The following NCAPH2 variants were observed in gnomAD, a reference collection of about 807,000 sequenced individuals.
NCAPH2 encodes non-SMC condensin II complex subunit H2.
In NCAPH2, 56 loss-of-function variants were observed where a neutral mutation model predicts 88.6. The observed-to-expected ratio is 0.63, with a 90% CI of 0.51 to 0.79. The LOEUF (loss-of-function observed/expected upper bound fraction) is 0.79. Among genes scored for constraint, NCAPH2 ranks in the 30% least tolerant of loss-of-function variants. The probability of loss-of-function intolerance (pLI) is 0.00; values close to 1 mark genes in which losing one functional copy is unlikely to be tolerated. For synonymous variants in NCAPH2, 378 were observed against 313.6 expected, an observed-to-expected ratio of 1.21 and a Z score of -2.17; for missense variants, 794 against 792.0, an observed-to-expected ratio of 1.00 and a Z score of -0.03.
At position 50,508,439 on chromosome 22, in the gene NCAPH2, G is replaced by A. The variant is rs1019697065; in HGVS notation, c.102G>A (p.Leu34=). The change falls in exon 1 of 20, where the codon CTG becomes CTA. Residue 34 remains leucine, a synonymous_variant. Transcript: ENST00000420993. ...VDVAAQLGEY[L]EELDQICISF... ...TGGCGGCCCAGCTGGGCGAGTATCT[G>A]GAGGAGGTAAGGGCGGCGGGGGAGT... The A allele has an allele frequency of 1.4e-6, 2 of 1,439,438 alleles. No individual in the cohort carries two copies. Among genetic ancestry groups the A allele is most frequent in the Non-Finnish European group, 1.8e-6 (2 of 1,093,728 alleles). The allele number at this position is 1,439,438 out of a possible 1,614,324, so 89.2% of individuals were successfully genotyped here.
In NCAPH2 at chr22:50,524,065, T is replaced by G. The variant is rs761748851; in HGVS notation, c.*690T>G. ...CACCCACTGGCCCCGGAAGTCAGCC[T>G]TGCAGCGAGCCCGGCCTCTGTGATC... On this transcript the variant is annotated 3_prime_UTR_variant, in exon 20 of 20. Transcript: ENST00000420993. 1.9e-6 allele frequency: 3 copies of G among 1,613,290 alleles called. No individual in the cohort carries two copies. In the South Asian group the frequency reaches 3.3e-5, roughly 18 times the overall value.
In NCAPH2 at chr22:50,524,319, C is replaced by G; in HGVS notation, c.*944C>G. ...TTGACAAAAGCCAGGACCTCAGATGCAGGGCCTGGCCTCCCAGGGTCCCAG... is the reference window on the plus strand; with the variant it reads ...TTGACAAAAGCCAGGACCTCAGATGGAGGGCCTGGCCTCCCAGGGTCCCAG... On this transcript the variant is annotated 3_prime_UTR_variant, in exon 20 of 20. Transcript: ENST00000420993. 3.1e-6 allele frequency: 5 copies of G among 1,601,864 alleles called. No homozygotes were observed. Among genetic ancestry groups the G allele is most frequent in the Non-Finnish European group, 4.2e-6 (5 of 1,179,816 alleles).
rs1263121137 is a variant in NCAPH2, at chr22:50,518,058, G to A, written c.500+6G>A. ...AACAACAATCCCCTGTACAGGTAGG[G>A]ATCTGAGCCCAGCGACGGGGAGGGA... is the stretch of plus-strand genomic sequence containing the variant. On this transcript the variant is annotated splice_donor_region_variant and intron_variant, in intron 6 of 19. Coordinates refer to ENST00000420993, the MANE Select transcript of NCAPH2 (RefSeq NM_152299.4). 1 of 1,613,970 alleles carries A rather than the reference G, an allele frequency of 6.2e-7. No individual in the cohort carries two copies. The highest frequency in any genetic ancestry group is 1.3e-5 in the African/African-American group (1 of 75,060).
chr22:50,521,581 C>T lies in NCAPH2; in HGVS notation c.972C>T (p.Asp324=), dbSNP rs148874894. Residue 324 remains aspartate (D), a synonymous_variant, in exon 11 of 20, where the codon GAC becomes GAT. Coordinates refer to ENST00000420993, the MANE Select transcript of NCAPH2 (RefSeq NM_152299.4). The stretch of plus-strand genomic sequence containing the variant: ...CCTGGCAGAGCCTGGACCCCTTTGA[C>T]TCCTTGGAGTCTAAGCCCTTCAAGA... ...PDPWQSLDPF[D]SLESKPFKKG... 6.2e-7 allele frequency: 1 copy of T among 1,613,676 alleles called. No homozygotes were observed. The highest frequency in any genetic ancestry group is 1.3e-5 in the African/African-American group (1 of 75,040).
chr22:50,517,683 T>C (rs1410966638), intron 4 of NCAPH2, 22 bp downstream of exon 4: 3 of 1,614,078 alleles, frequency 1.9e-6, no homozygotes, highest in African/African-American at 1.3e-5. Flanking sequence ...TGGCATGTGG[T>C]CCCCGCCCAC....
At position 50,522,484 on chromosome 22, in the gene NCAPH2, C is replaced by T. The variant is rs780277922; in HGVS notation, c.1307-17C>T. On this transcript the variant is annotated splice_polypyrimidine_tract_variant and intron_variant, in intron 15 of 19. Coordinates refer to ENST00000420993, the MANE Select transcript of NCAPH2 (RefSeq NM_152299.4). The stretch of plus-strand genomic sequence containing the variant: ...ACTAGCTGCCTGCGTGCTGTTCACT[C>T]TCCCACCTCCCAGCAGATGACTTTC... 1 of 1,613,682 alleles carries T rather than the reference C, an allele frequency of 6.2e-7. No individual in the cohort carries two copies. The highest frequency in any genetic ancestry group is 8.5e-7 in the Non-Finnish European group (1 of 1,179,994).
In NCAPH2 at chr22:50,511,285, C is replaced by CTTTTT. The variant is rs910583115; in HGVS notation, c.108+2858_108+2862dup. ...TCAAGCAGTTCTCCTGCCTCAGCCT[C>CTTTTT]TTTTTTTTTTTTTTTTTTTTTTGAG... On this transcript the variant is annotated intron_variant, in intron 1 of 19. Coordinates refer to ENST00000420993, the MANE Select transcript of NCAPH2 (RefSeq NM_152299.4). 1.1e-3 allele frequency among the ~76,000 whole-genome samples: 119 copies of CTTTTT among 109,654 alleles called. 15 individuals are homozygous for CTTTTT. Among genetic ancestry groups the CTTTTT allele is most frequent in the African/African-American group, 5.6e-3 (111 of 19,784 alleles). The allele number at this position is 109,654 out of a possible 152,430, so 71.9% of individuals were successfully genotyped here.
Position 50,524,649 on chromosome 22 carries a change from C to G in NCAPH2, c.*1274C>G. ...CTGTCCTCTACCTGGGATCACCAGC[C>G]TGTCACCGCACCCTGCCCTGCACCT... On this transcript the variant is annotated 3_prime_UTR_variant, in exon 20 of 20. Transcript: ENST00000420993. 1.4e-6 allele frequency: 1 copy of G among 700,342 alleles called. No homozygotes were observed. The highest frequency in any genetic ancestry group is 2.0e-5 in the Admixed American group (1 of 49,428). 43.4% of individuals were successfully genotyped at this position (700,342 alleles called of 1,614,324 possible).
chr22:50,519,227 C>T lies in NCAPH2; in HGVS notation c.768C>T (p.Gly256=), dbSNP rs948209945. 8.7e-6 allele frequency: 14 copies of T among 1,609,948 alleles called. No individual in the cohort carries two copies. The African/African-American group carries it at 9.3e-5, about 11-fold the overall frequency. ...AAGGCCCGATGCCCCTGGGTGGGGG[C>T]GAGGACGAGGATGCAGAGGAGGCAG... is the stretch of plus-strand genomic sequence containing the variant. ...SPEGPMPLGG[G]EDEDAEEAVE... The change falls in exon 9 of 20, where the codon GGC becomes GGT. Residue 256 remains glycine, a synonymous_variant. Transcript: ENST00000420993.
rs1190626467 is a variant in NCAPH2, at chr22:50,517,681, G to C, written c.351+20G>C. Reference sequence around the variant, plus strand: ...AATGAGGTGAGTTTCTTTGGCATGTGGTCCCCGCCCACTGTGTGTTTGCCT... The same window carrying C: ...AATGAGGTGAGTTTCTTTGGCATGTCGTCCCCGCCCACTGTGTGTTTGCCT... On this transcript the variant is annotated intron_variant, in intron 4 of 19. Transcript: ENST00000420993. The C allele has an allele frequency of 1.9e-6, 3 of 1,613,962 alleles. No individual in the cohort carries two copies. Among genetic ancestry groups the C allele is most frequent in the African/African-American group, 1.3e-5 (1 of 74,930 alleles).
At chr22:50,509,901 CA>C (rs2068739187) in intron 1 of NCAPH2, among the ~76,000 whole-genome samples, 1 of 152,010 alleles carries the variant, frequency 6.6e-6, no homozygotes, top group Non-Finnish European at 1.5e-5. Flanking sequence ...TTTCTGCCCC[CA>C]CTTGGGAATC....
Position 50,508,233 on chromosome 22 carries a change from T to A in NCAPH2, c.-105T>A. The A allele has an allele frequency of 1.1e-6, 1 of 875,818 alleles. No individual in the cohort carries two copies. The highest frequency in any genetic ancestry group is 1.7e-6 in the Non-Finnish European group (1 of 599,248). 54.3% of individuals were successfully genotyped at this position (875,818 alleles called of 1,614,324 possible). ...GCGACGCCGCGCCTACGCATTTTCCTGGGCGGGAACAGCAAAATGGCGCCA... is the reference window on the plus strand; with the variant it reads ...GCGACGCCGCGCCTACGCATTTTCCAGGGCGGGAACAGCAAAATGGCGCCA... On this transcript the variant is annotated 5_prime_UTR_variant, in exon 1 of 20. Transcript: ENST00000420993.
chr22:50,517,176 A>G lies in NCAPH2; in HGVS notation c.211-251A>G, dbSNP rs2068948125. Among the ~76,000 whole-genome samples the G allele has an allele frequency of 2.0e-5, 3 of 152,224 alleles. No individual in the cohort carries two copies. The South Asian group carries it at 6.2e-4, about 31-fold the overall frequency. The stretch of plus-strand genomic sequence containing the variant: ...GTGCTGTCAGGGTCACACGTTGAGA[A>G]GGCCACGCTCGCGGCTGCGTGGACC... On this transcript the variant is annotated intron_variant, in intron 2 of 19. Transcript: ENST00000420993.
At chr22:50,518,576 C>A in intron 7 of NCAPH2, 73 bp from the exon 8 acceptor site, 1 of 1,446,748 alleles carries the variant, frequency 6.9e-7, no homozygotes, top group Non-Finnish European at 9.4e-7. Flanking sequence ...CTTGGAGAGG[C>A]TTGTTGAACA....
chr22:50,517,882 G>A (rs2056139985), intron 5 of NCAPH2, 73 bp downstream of exon 5: 1 of 1,604,480 alleles, frequency 6.2e-7, no homozygotes, highest in Admixed American at 1.7e-5. Context: ...TGAGCTGATG[G>A]GGTGTGGGAA....
chr22:50,517,717 C>T (rs2068966518), intron 4 of NCAPH2, 24 bp from the exon 5 acceptor site: 13 of 1,614,084 alleles, frequency 8.1e-6, no homozygotes, highest in Non-Finnish European at 1.1e-5. Context: ...GGGCTCCGCC[C>T]CCACGAGCTC....
rs1259957717 is a variant in NCAPH2 at position 50,516,648 on chromosome 22, C to A, written c.210+100C>A. ...GTGCAGTGGTCGTCCCGTCTGTGAC[C>A]TACCTCCCTCTCTCCTCAGGTCTCA... On this transcript the variant is annotated intron_variant, in intron 2 of 19. Transcript: ENST00000420993. The A allele has an allele frequency of 6.1e-6, 6 of 986,938 alleles. No individual in the cohort carries two copies. In the East Asian group the frequency reaches 1.5e-4, roughly 25 times the overall value. The allele number at this position is 986,938 out of a possible 1,614,324, so 61.1% of individuals were successfully genotyped here.
chr22:50,514,869 A>G (rs897119040), intron 1 of NCAPH2, among the ~76,000 whole-genome samples: 15 of 152,120 alleles, frequency 9.9e-5, no homozygotes, highest in African/African-American at 3.1e-4. Context: ...GGTGCCTAAA[A>G]TCTTGCCTCT....
chr22:50,521,991 G>C lies in NCAPH2; in HGVS notation c.1114G>C (p.Asp372His). Reference sequence around the variant, plus strand: ...CTGAGCATGTTCTTTCACAGATGCAGACCATGCCGACAGCAGGCGGCTTCG... The same window carrying C: ...CTGAGCATGTTCTTTCACAGATGCACACCATGCCGACAGCAGGCGGCTTCG... ...FHQWYLAAYA[D>H]HADSRRLRRK... Residue 372 changes from aspartate (D) to histidine (H), a missense_variant, in exon 13 of 20, where the codon GAC becomes CAC. Transcript: ENST00000420993. The C allele has an allele frequency of 6.2e-7, 1 of 1,614,012 alleles. No individual in the cohort carries two copies. Among genetic ancestry groups the C allele is most frequent in the East Asian group, 2.2e-5 (1 of 44,890 alleles).
Sources: allele counts gnomAD v4.1 joint callset (sites outside exome capture counted in the v4.1 genomes callset), GRCh38; gene constraint gnomAD v4.1.1; transcripts MANE v1.5; gene names NCBI Gene and HGNC (gene_info 2026-07-23, HGNC 2026-07-21).